TMEM181: variants seen among roughly 807,000 people sequenced by gnomAD.
TMEM181 encodes the protein G protein-coupled receptor 178.
Under a neutral mutation model 71.9 loss-of-function variants are expected in TMEM181, and 39 were observed. That is an observed-to-expected ratio of 0.54 (90% CI 0.42 to 0.71). The LOEUF is 0.71. TMEM181 is among the 30% of genes least tolerant of loss of function. The pLI is 0.00. For synonymous variants in TMEM181, 245 were observed against 228.8 expected (o/e 1.07, Z -0.64); for missense variants, 595 against 583.0 (o/e 1.02, Z -0.21).
rs558221112 is a variant in TMEM181 at position 158,571,092 on chromosome 6, T to A, written c.9-2328T>A. Among the ~76,000 whole-genome samples the A allele has an allele frequency of 2.0e-3, 299 of 151,690 alleles. 2 individuals carry two copies. Among genetic ancestry groups the A allele is most frequent in the Admixed American group, 3.8e-3 (58 of 15,244 alleles). On this transcript the variant is annotated intron_variant, in intron 1 of 16. Coordinates refer to ENST00000684151, the MANE Select transcript of TMEM181 (RefSeq NM_001376852.1). The stretch of plus-strand genomic sequence containing the variant: ...CACACCCAGCTAATTTTTTAAAAAA[T>A]TAATTAATTAATTAATTTTTTTGAG...
intron 13 of TMEM181, among the ~76,000 whole-genome samples, chr6:158,627,047 T>A (rs1312110370): frequency 3.5e-5 from 5 of 142,114 alleles, no homozygotes; most frequent in Non-Finnish European, 6.1e-5. Context: ...ACACACACCC[T>A]CATTCTCACA....
intron 1 of TMEM181, among the ~76,000 whole-genome samples, chr6:158,547,379 C>T (rs535519570): frequency 1.3e-5 from 2 of 152,296 alleles, no homozygotes; most frequent in South Asian, 2.1e-4. Context: ...TTTTTTAAAG[C>T]TCCCCAGGTG....
chr6:158,621,173 G>T (rs181516219), intron 10 of TMEM181, among the ~76,000 whole-genome samples: 62 of 152,268 alleles, frequency 4.1e-4, no homozygotes, highest in Non-Finnish European at 5.9e-5. Context: ...GTTCTACTGG[G>T]GCACATGGTA....
At chr6:158,618,670 C>T (rs955602982) in intron 10 of TMEM181, among the ~76,000 whole-genome samples, 1 of 152,098 alleles carries the variant, frequency 6.6e-6, no homozygotes, top group African/African-American at 2.4e-5. Flanking sequence ...TTCAGGAGCT[C>T]TTGTAAGGCA....
At chr6:158,607,940 A>C (rs1048046469) in intron 8 of TMEM181, among the ~76,000 whole-genome samples, 1 of 152,186 alleles carries the variant, frequency 6.6e-6, no homozygotes, top group Non-Finnish European at 1.5e-5. Flanking sequence ...CTGCTCCAAA[A>C]GTGTTTGCTT....
upstream of TMEM181, among the ~76,000 whole-genome samples, chr6:158,559,730 C>A (rs576035645): frequency 6.6e-6 from 1 of 152,320 alleles, no homozygotes; most frequent in Admixed American, 6.5e-5. Flanking sequence ...AGCTATAGCT[C>A]CTCTCCCTAG....
intron 6 of TMEM181, 106 bp downstream of exon 6, chr6:158,589,888 C>G: frequency 1.2e-6 from 1 of 817,738 alleles, no homozygotes; most frequent in South Asian, 1.7e-5. Context: ...TTAATTTGGA[C>G]AGTGGAGGAC....
chr6:158,558,456 C>G (rs1781984983), upstream of TMEM181, among the ~76,000 whole-genome samples: 1 of 152,162 alleles, frequency 6.6e-6, no homozygotes, highest in South Asian at 2.1e-4. Context: ...TCAGAACCAA[C>G]AGGTTCAAAG....
intron 1 of TMEM181, among the ~76,000 whole-genome samples, chr6:158,565,572 C>T (rs143945999): frequency 6.0e-4 from 91 of 152,224 alleles, no homozygotes; most frequent in Non-Finnish European, 1.1e-3. Context: ...TTCAGTGGTT[C>T]GCTTACCATT....
chr6:158,579,044 A>C (rs1157997143), intron 2 of TMEM181, among the ~76,000 whole-genome samples: 1 of 150,990 alleles, frequency 6.6e-6, no homozygotes, highest in Non-Finnish European at 1.5e-5. Context: ...GAATCACCTG[A>C]GGTTAGAAGT....
At chr6:158,577,002 C>T in intron 2 of TMEM181, among the ~76,000 whole-genome samples, 1 of 142,744 alleles carries the variant, frequency 7.0e-6, no homozygotes, top group African/African-American at 2.6e-5. Flanking sequence ...GTAGAGCTTG[C>T]AGTGAGCCGA....
intron 1 of TMEM181, among the ~76,000 whole-genome samples, chr6:158,546,951 C>G (rs1781544628): frequency 6.6e-6 from 1 of 151,512 alleles, no homozygotes. Flanking sequence ...CACAGCGAGA[C>G]TCCATCTCAA....
chr6:158,633,415 A>G lies in TMEM181; in HGVS notation c.*1527A>G, dbSNP rs1310832126. 4 of 152,124 alleles carry G rather than the reference A, an allele frequency of 2.6e-5. No individual in the cohort carries two copies. The highest frequency in any genetic ancestry group is 9.7e-5 in the African/African-American group (4 of 41,376). The allele number at this position is 152,124 out of a possible 1,614,324, so 9.4% of individuals were successfully genotyped here. A position where few individuals can be genotyped will look rare whatever the true frequency, so the allele number is the denominator to read the frequency against. ...CTCCCGTGCTTTCCTCTTGACCTCT[A>G]CAGTCACACTTCTGTTAACATCTGG... On this transcript the variant is annotated 3_prime_UTR_variant, in exon 17 of 17. Coordinates refer to ENST00000684151, the MANE Select transcript of TMEM181 (RefSeq NM_001376852.1).
chr6:158,621,762 A>T (rs1785972782), intron 10 of TMEM181: 1 of 152,372 alleles, frequency 6.6e-6, no homozygotes, highest in Admixed American at 6.5e-5. Context: ...TTCCAAGCTC[A>T]GTGTGCTTCT....
intron 1 of TMEM181, among the ~76,000 whole-genome samples, chr6:158,543,992 G>C (rs574989781): frequency 1.3e-5 from 2 of 152,256 alleles, no homozygotes; most frequent in Admixed American, 6.5e-5. Context: ...CGGCCGCTGT[G>C]CTTATTGGAA....
intron 1 of TMEM181, among the ~76,000 whole-genome samples, chr6:158,549,952 C>CTTTTTTT (rs34066198): frequency 1.8e-5 from 2 of 110,858 alleles, no homozygotes; most frequent in East Asian, 2.7e-4. Flanking sequence ...TTTGTCAGGA[C>CTTTTTTT]TTTTTTTTTT....
rs767620888 is a variant in TMEM181, at chr6:158,585,377, C to T, written c.333C>T (p.Tyr111=). The T allele has an allele frequency of 1.7e-5, 28 of 1,612,250 alleles. No individual in the cohort carries two copies. Among genetic ancestry groups the T allele is most frequent in the South Asian group, 7.7e-5 (7 of 90,660 alleles). ...DGVAQDGTTM[Y]IHNKVHNRTR... Reference sequence around the variant, plus strand: ...TAGCTCAAGATGGAACCACGATGTACATTCATAACAAAGTTCACAACCGGA... The same window carrying T: ...TAGCTCAAGATGGAACCACGATGTATATTCATAACAAAGTTCACAACCGGA... Residue 111 remains tyrosine (Y), a synonymous_variant, in exon 5 of 17, where the codon TAC becomes TAT. Coordinates refer to ENST00000684151, the MANE Select transcript of TMEM181 (RefSeq NM_001376852.1).
At chr6:158,626,242 G>A (rs555072555) in intron 13 of TMEM181, among the ~76,000 whole-genome samples, 2 of 152,208 alleles carry the variant, frequency 1.3e-5, no homozygotes, top group South Asian at 2.1e-4. Flanking sequence ...GGGCAGGCTC[G>A]GCCTGGCCTG....
intron 3 of TMEM181, among the ~76,000 whole-genome samples, chr6:158,583,576 G>A (rs1266726490): frequency 6.6e-6 from 1 of 152,150 alleles, no homozygotes; most frequent in East Asian, 1.9e-4. Flanking sequence ...CGAGGTGGGC[G>A]GATCACCAGG....
Sources: gnomAD v4.1 joint callset for allele counts (sites outside exome capture counted in the v4.1 genomes callset) on GRCh38, gnomAD v4.1.1 for gene constraint, MANE v1.5 for transcripts, NCBI Gene and HGNC (gene_info 2026-07-23, HGNC 2026-07-21) for gene names.